SIDT2: variants seen among roughly 807,000 people sequenced by gnomAD.
SIDT2 encodes SID1 transmembrane family member 2, also known as SID1 transmembrane family, member 2.
SIDT2 carries 68 observed loss-of-function variants against 114.4 expected under a neutral mutation model. The ratio of observed to expected loss-of-function variants is 0.59; its 90% confidence interval spans 0.49 to 0.73. SIDT2 has a LOEUF of 0.73. SIDT2 is among the 30% of genes least tolerant of loss of function. The pLI, the probability that SIDT2 is intolerant of heterozygous loss-of-function variation, is 0.00. For missense variants in SIDT2, 918 were observed against 1,097.1 expected (o/e 0.84, Z 2.31); for synonymous variants, 470 against 438.4 (o/e 1.07, Z -0.90).
In SIDT2 at chr11:117,188,914, C is replaced by T; in HGVS notation, c.1278+88C>T. 7.4e-7 allele frequency: 1 copy of T among 1,348,026 alleles called. No homozygotes were observed. Among genetic ancestry groups the T allele is most frequent in the East Asian group, 2.3e-5 (1 of 43,444 alleles). 83.5% of individuals were successfully genotyped at this position (1,348,026 alleles called of 1,614,324 possible). A position where few individuals can be genotyped will look rare whatever the true frequency, so the allele number is the denominator to read the frequency against. On this transcript the variant is annotated intron_variant, in intron 13 of 25. Coordinates refer to ENST00000324225, the MANE Select transcript of SIDT2 (RefSeq NM_001040455.2). This position sits in a 1 kb window ranked among gnomAD's most constrained non-coding sequence, Gnocchi z 4.0. ...CCCCAGCATGTTCCCACTGACGTGG[C>T]ATTTAGGGAAGCAGAAGGAAGGGGC...
Position 117,188,835 on chromosome 11 carries a change from C to T in SIDT2, c.1278+9C>T, listed in dbSNP as rs1222682125. ...ATGTCATTCGCACCAAGGTCTGACCCGTGGGCCTGGCCTGGTCAGGCGTTT... is the reference window on the plus strand; with the variant it reads ...ATGTCATTCGCACCAAGGTCTGACCTGTGGGCCTGGCCTGGTCAGGCGTTT... On this transcript the variant is annotated intron_variant, in intron 13 of 25. Coordinates refer to ENST00000324225, the MANE Select transcript of SIDT2 (RefSeq NM_001040455.2). This position sits in a 1 kb window ranked among gnomAD's most constrained non-coding sequence, Gnocchi z 4.0. 6 of 1,611,556 alleles carry T rather than the reference C, an allele frequency of 3.7e-6. No homozygotes were observed. Among genetic ancestry groups the T allele is most frequent in the African/African-American group, 1.3e-5 (1 of 74,878 alleles).
chr11:117,189,436 C>T (rs1380217565), intron 15 of SIDT2, 35 bp downstream of exon 15: 1 of 1,603,994 alleles, frequency 6.2e-7, no homozygotes. Context: ...TTTCCGACAG[C>T]CTAGGACACC....
At position 117,182,775 on chromosome 11, in the gene SIDT2, C is replaced by T. The variant is rs1188274021; in HGVS notation, c.671C>T (p.Thr224Met). The T allele has an allele frequency of 2.5e-6, 4 of 1,614,010 alleles. No individual in the cohort carries two copies. The highest frequency in any genetic ancestry group is 2.5e-6 in the Non-Finnish European group (3 of 1,180,026). ...NNVAFIGMYQTMTKKAAITVQ... is the reference protein window; with the variant it reads ...NNVAFIGMYQMMTKKAAITVQ... ...GTAGCCTTCATCGGCATGTACCAGA[C>T]GATGACCAAGAAGGCGGCCATCACC... Residue 224 changes from threonine to methionine, a missense_variant, in exon 6 of 26, where the codon ACG becomes ATG. Physicochemically the swap from Thr to Met is moderately conservative, Grantham distance 81. Coordinates refer to ENST00000324225, the MANE Select transcript of SIDT2 (RefSeq NM_001040455.2).
intron 15 of SIDT2, 145 bp downstream of exon 15, chr11:117,189,546 C>T: frequency 1.2e-6 from 1 of 822,794 alleles, no homozygotes; most frequent in Non-Finnish European, 1.9e-6. Flanking sequence ...TGACCCAGGG[C>T]AAATCACATA....
chr11:117,196,770 T>G lies in SIDT2; in HGVS notation c.*704T>G, dbSNP rs2030911019. 6.5e-6 allele frequency: 1 copy of G among 152,968 alleles called. No individual in the cohort carries two copies. The highest frequency in any genetic ancestry group is 2.4e-5 in the African/African-American group (1 of 41,444). The allele number at this position is 152,968 out of a possible 1,614,324, so 9.5% of individuals were successfully genotyped here. ...AGAACCGCCTTCTGATTCAAGAGGCTGAATTCAGAGGTCACCTCTTCATCC... is the reference window on the plus strand; with the variant it reads ...AGAACCGCCTTCTGATTCAAGAGGCGGAATTCAGAGGTCACCTCTTCATCC... On this transcript the variant is annotated 3_prime_UTR_variant, in exon 26 of 26. Transcript: ENST00000324225. The surrounding 1 kb of genome is among the most constrained non-coding windows in gnomAD (Gnocchi z 4.9).
In SIDT2 at chr11:117,188,974, C is replaced by A. The variant is rs2030602648; in HGVS notation, c.1278+148C>A. 1.0e-6 allele frequency: 1 copy of A among 996,502 alleles called. No homozygotes were observed. Among genetic ancestry groups the A allele is most frequent in the Admixed American group, 1.8e-5 (1 of 55,668 alleles). 61.7% of individuals were successfully genotyped at this position (996,502 alleles called of 1,614,324 possible). A position where few individuals can be genotyped will look rare whatever the true frequency, so the allele number is the denominator to read the frequency against. ...GCAGGGCAGATGCCGGGGAAACTAA[C>A]CTGACCTCCAACCCCTTCCGGCCTG... On this transcript the variant is annotated intron_variant, in intron 13 of 25. Transcript: ENST00000324225. The surrounding 1 kb of genome is among the most constrained non-coding windows in gnomAD (Gnocchi z 4.0).
intron 13 of SIDT2, 110 bp from the exon 14 acceptor site, chr11:117,189,059 C>A: frequency 8.5e-7 from 1 of 1,183,284 alleles, no homozygotes; most frequent in South Asian, 1.3e-5. Flanking sequence ...GAACCCTGCC[C>A]CCCTGAATTC....
Position 117,183,850 on chromosome 11 carries a change from C to T in SIDT2, c.774C>T (p.Gly258=). ...AGACCGAAGACCAAGCCTGCGGGGG[C>T]TCCCTGCCTTTCTACCCCTTCGCAG... is the stretch of plus-strand genomic sequence containing the variant. ...VVKTEDQACG[G]SLPFYPFAED... Residue 258 remains glycine (G), a synonymous_variant, in exon 7 of 26, where the codon GGC becomes GGT. Transcript: ENST00000324225. 4 of 1,613,882 alleles carry T rather than the reference C, an allele frequency of 2.5e-6. No homozygotes were observed. Among genetic ancestry groups the T allele is most frequent in the Non-Finnish European group, 3.4e-6 (4 of 1,179,798 alleles).
intron 8 of SIDT2, among the ~76,000 whole-genome samples, chr11:117,185,715 A>G (rs1280874041): frequency 1.3e-5 from 2 of 151,944 alleles, no homozygotes; most frequent in Non-Finnish European, 2.9e-5. Flanking sequence ...CAATCTCTAT[A>G]AAAAATAAAA....
intron 7 of SIDT2, 64 bp from the exon 8 acceptor site, chr11:117,184,010 T>G (rs1591766991): frequency 6.3e-7 from 1 of 1,588,114 alleles, no homozygotes; most frequent in East Asian, 2.2e-5. Flanking sequence ...CTCAAAGGCC[T>G]GATCCCACTG....
intron 15 of SIDT2, 58 bp from the exon 16 acceptor site, chr11:117,189,894 G>C: frequency 7.7e-6 from 12 of 1,568,174 alleles, no homozygotes; most frequent in Non-Finnish European, 7.0e-6. Context: ...GGATGGCGGG[G>C]CGTGGGCTGA....
chr11:117,182,475 C>G, intron 4 of SIDT2, 44 bp from the exon 5 acceptor site: 1 of 1,542,372 alleles, frequency 6.5e-7, no homozygotes, highest in Non-Finnish European at 9.0e-7. Flanking sequence ...GCCAAGAGAG[C>G]ATCCTCATGA....
chr11:117,195,557 GGAA>G (rs2030866831), intron 24 of SIDT2, among the ~76,000 whole-genome samples: 2 of 152,140 alleles, frequency 1.3e-5, no homozygotes, highest in South Asian at 4.1e-4. Flanking sequence ...AGAATCAGAA[GGAA>G]GGAGGAGGGT....
rs2030177985 is a variant in SIDT2, at chr11:117,179,495, G to A, written c.183+49G>A. On this transcript the variant is annotated intron_variant, in intron 1 of 25. Transcript: ENST00000324225. ...CAGAGGCGAGTGGGGAAGCCGACGA[G>A]GGCTAGGCGATTCTGCCGCCCCGCT... 1.9e-6 allele frequency: 3 copies of A among 1,569,354 alleles called. No homozygotes were observed. In the South Asian group the frequency reaches 3.5e-5, roughly 18 times the overall value.
chr11:117,189,425 C>A, intron 15 of SIDT2, 24 bp downstream of exon 15: 2 of 1,611,638 alleles, frequency 1.2e-6, no homozygotes, highest in Non-Finnish European at 1.7e-6. Context: ...GCAGGTTCAC[C>A]TTTCCGACAG....
Position 117,188,124 on chromosome 11 carries a change from G to A in SIDT2, c.1159+425G>A, listed in dbSNP as rs1023738966. ...TAGCAGCAGAGCACAGGCTCCTTTGGCTGGCGGGCTGGCGCCTCCGCTCTC... is the reference window on the plus strand; with the variant it reads ...TAGCAGCAGAGCACAGGCTCCTTTGACTGGCGGGCTGGCGCCTCCGCTCTC... On this transcript the variant is annotated intron_variant, in intron 12 of 25. Coordinates refer to ENST00000324225, the MANE Select transcript of SIDT2 (RefSeq NM_001040455.2). The surrounding 1 kb of genome is among the most constrained non-coding windows in gnomAD (Gnocchi z 4.0). 2 of 384,510 alleles carry A rather than the reference G, an allele frequency of 5.2e-6. No homozygotes were observed. Among genetic ancestry groups the A allele is most frequent in the Non-Finnish European group, 1.0e-5 (2 of 197,166 alleles). 23.8% of individuals were successfully genotyped at this position (384,510 alleles called of 1,614,324 possible). A position where few individuals can be genotyped will look rare whatever the true frequency, so the allele number is the denominator to read the frequency against.
Position 117,196,552 on chromosome 11 carries a change from G to A in SIDT2, c.*486G>A, listed in dbSNP as rs1313661472. On this transcript the variant is annotated 3_prime_UTR_variant, in exon 26 of 26. Transcript: ENST00000324225. The surrounding 1 kb of genome is among the most constrained non-coding windows in gnomAD (Gnocchi z 4.9). ...CTGTATCAGGGCCCCAGTTCTCTTT[G>A]GGCTGTCCCTGGCTGCCATCACTGC... 3 of 173,636 alleles carry A rather than the reference G, an allele frequency of 1.7e-5. No homozygotes were observed. The highest frequency in any genetic ancestry group is 7.2e-5 in the African/African-American group (3 of 41,816). 10.8% of individuals were successfully genotyped at this position (173,636 alleles called of 1,614,324 possible).
intron 10 of SIDT2, chr11:117,186,946 C>T (rs1657965597): frequency 2.7e-6 from 4 of 1,483,266 alleles, no homozygotes; most frequent in Non-Finnish European, 3.6e-6. Context: ...TCCACCCCTC[C>T]CTCTCTTTCT....
At chr11:117,181,284 A>T (rs943356335) in intron 1 of SIDT2, 132 bp from the exon 2 acceptor site, 1 of 1,282,856 alleles carries the variant, frequency 7.8e-7, no homozygotes, top group Non-Finnish European at 1.1e-6. Context: ...AGAGGCAGAG[A>T]TGACTCCCTG....
Sources: allele counts gnomAD v4.1 joint callset (sites outside exome capture counted in the v4.1 genomes callset), GRCh38; gene constraint gnomAD v4.1.1; non-coding constraint Gnocchi (gnomAD v3.1); transcripts MANE v1.5; gene names NCBI Gene and HGNC (gene_info 2026-07-23, HGNC 2026-07-21).